Variants in KCNG2 observed in about 807,000 individuals in gnomAD.
KCNG2 encodes the protein voltage-gated potassium channel regulatory subunit KCNG2.
In KCNG2, 7 loss-of-function variants were observed where a neutral mutation model predicts 12.3. The ratio of observed to expected loss-of-function variants is 0.57; its 90% confidence interval spans 0.32 to 1.07. KCNG2 has a LOEUF of 1.07. KCNG2 is among the 50% of genes least tolerant of loss of function. KCNG2 has a pLI of 0.04. For synonymous variants in KCNG2, 414 were observed against 351.4 expected (o/e 1.18, Z -1.99); for missense variants, 703 against 726.0 (o/e 0.97, Z 0.36).
At chr18:79,849,665 G>A (rs1456472653) in intron 1 of KCNG2, among the ~76,000 whole-genome samples, 2 of 152,388 alleles carry the variant, frequency 1.3e-5, no homozygotes, top group African/African-American at 2.4e-5. Context: ...TCTCTGCTGC[G>A]TGAAGTCTGG....
chr18:79,817,384 G>A (rs749898503), intron 1 of KCNG2, among the ~76,000 whole-genome samples: 1 of 152,038 alleles, frequency 6.6e-6, no homozygotes, highest in South Asian at 2.1e-4. Context: ...ATGCCTGGCT[G>A]TCACACATGG....
At chr18:79,846,053 T>C (rs1184579179) in intron 1 of KCNG2, among the ~76,000 whole-genome samples, 1 of 136,204 alleles carries the variant, frequency 7.3e-6, no homozygotes, top group Non-Finnish European at 1.5e-5. Flanking sequence ...ATGGCGCCAC[T>C]GCACTCCAGC....
chr18:79,832,356 C>T (rs1376878375), intron 1 of KCNG2, among the ~76,000 whole-genome samples: 2 of 149,912 alleles, frequency 1.3e-5, no homozygotes, highest in Non-Finnish European at 3.0e-5. Flanking sequence ...CCCTTCCTCA[C>T]CTGTCCATCC....
intron 2 of KCNG2, among the ~76,000 whole-genome samples, chr18:79,858,640 C>A (rs879054808): frequency 6.6e-6 from 1 of 152,130 alleles, no homozygotes; most frequent in Non-Finnish European, 1.5e-5. Context: ...TGAGGAACTG[C>A]CAGACTGTTT....
intron 1 of KCNG2, among the ~76,000 whole-genome samples, chr18:79,825,154 C>T (rs906959828): frequency 6.6e-6 from 1 of 152,208 alleles, no homozygotes; most frequent in Non-Finnish European, 1.5e-5. Flanking sequence ...GCTGAAGTTT[C>T]TAACTCTCCT....
chr18:79,888,269 T>C (rs1980605307), intron 3 of KCNG2, among the ~76,000 whole-genome samples: 2 of 151,994 alleles, frequency 1.3e-5, no homozygotes, highest in African/African-American at 4.8e-5. Flanking sequence ...CCACGGGGCT[T>C]CCACCAGCTG....
chr18:79,877,556 C>G (rs1417483076), intron 3 of KCNG2, among the ~76,000 whole-genome samples: 2 of 152,136 alleles, frequency 1.3e-5, no homozygotes, highest in African/African-American at 2.4e-5. Flanking sequence ...CTTCCCTGAC[C>G]CCCTTGTTCT....
chr18:79,891,000 A>G (rs1435166410), intron 3 of KCNG2, among the ~76,000 whole-genome samples: 1 of 152,108 alleles, frequency 6.6e-6, no homozygotes, highest in Non-Finnish European at 1.5e-5. Flanking sequence ...GATCTTTTCC[A>G]AGAACCAGCC....
At chr18:79,820,320 C>T (rs2087561623) in intron 1 of KCNG2, among the ~76,000 whole-genome samples, 1 of 152,196 alleles carries the variant, frequency 6.6e-6, no homozygotes, top group African/African-American at 2.4e-5. Context: ...CAGGCATGTT[C>T]TTAGGAGGGA....
In KCNG2 at chr18:79,891,103, TTTTA is replaced by T. The variant is rs200917208; in HGVS notation, c.625-7932_625-7929del. Among the ~76,000 whole-genome samples, 720 of 152,338 alleles carry T rather than the reference TTTTA, an allele frequency of 4.7e-3. 25 individuals are homozygous for T. Among genetic ancestry groups the T allele is most frequent in the Admixed American group, 0.043 (652 of 15,298 alleles). On this transcript the variant is annotated intron_variant, in intron 3 of 3. Transcript: ENST00000316249. ...ATTTCCTTCCCCCACCTGCTTTAAG[TTTTA>T]TTTACTTTTGTTTTCCCAGTTGTCT...
At position 79,884,155 on chromosome 18, in the gene KCNG2, G is replaced by A. The variant is rs1002404665; in HGVS notation, c.625-14885G>A. On this transcript the variant is annotated intron_variant, in intron 3 of 3. Transcript: ENST00000316249. The surrounding 1 kb of genome is among the most constrained non-coding windows in gnomAD (Gnocchi z 5.5). ...CAGGCCGACCTCTCTCTGCCAGCAC[G>A]AAGCCAGAGCTCAGCTCCCCAGCAC... is the stretch of plus-strand genomic sequence containing the variant. Among the ~76,000 whole-genome samples the A allele has an allele frequency of 4.6e-5, 7 of 152,122 alleles. No homozygotes were observed. Among genetic ancestry groups the A allele is most frequent in the African/African-American group, 1.2e-4 (5 of 41,420 alleles).
At chr18:79,824,489 A>G (rs2087597143) in intron 1 of KCNG2, among the ~76,000 whole-genome samples, 3 of 152,168 alleles carry the variant, frequency 2.0e-5, no homozygotes, top group South Asian at 2.1e-4. Flanking sequence ...TACCTGCTCT[A>G]TGCTTCTGAT....
At chr18:79,804,439 C>CCTCCCCTCAGTATTGCACCT in intron 1 of KCNG2, among the ~76,000 whole-genome samples, 1 of 152,368 alleles carries the variant, frequency 6.6e-6, no homozygotes, top group Middle Eastern at 3.4e-3. Flanking sequence ...GCCAGTGCTG[C>CCTCCCCTCAGTATTGCACCT]GTCAGAGGCC....
intron 1 of KCNG2, among the ~76,000 whole-genome samples, chr18:79,844,904 T>G (rs895498747): frequency 1.1e-4 from 17 of 152,190 alleles, no homozygotes; most frequent in African/African-American, 3.9e-4. Context: ...TAAATTGAAT[T>G]TTATCAAAAG....
intron 1 of KCNG2, among the ~76,000 whole-genome samples, chr18:79,834,527 G>C (rs1220831088): frequency 1.3e-5 from 2 of 152,194 alleles, no homozygotes; most frequent in African/African-American, 4.8e-5. Context: ...GTTTGAGAGA[G>C]AAAGTGGGAC....
Position 79,866,432 on chromosome 18 carries a change from CTGAGAGGT to C in KCNG2, c.624+2142_624+2149del, listed in dbSNP as rs1341838366. Among the ~76,000 whole-genome samples, 199 of 97,404 alleles carry C rather than the reference CTGAGAGGT, an allele frequency of 2.0e-3. 3 individuals carry two copies. Among genetic ancestry groups the C allele is most frequent in the East Asian group, 2.9e-3 (8 of 2,744 alleles). 63.9% of individuals were successfully genotyped at this position (97,404 alleles called of 152,430 possible). ...GTCTGGGTGCTGAGAGGTCTGGGTG[CTGAGAGGT>C]CTGGGTGCTGAGAGTGTGGGTGCTG... On this transcript the variant is annotated intron_variant, in intron 3 of 3. Transcript: ENST00000316249.
chr18:79,852,892 G>T (rs1179891300), intron 1 of KCNG2, among the ~76,000 whole-genome samples: 1 of 152,274 alleles, frequency 6.6e-6, no homozygotes, highest in Non-Finnish European at 1.5e-5. Flanking sequence ...TCCGTGTGGG[G>T]ATGCAGCCTC....
chr18:79,818,196 T>C (rs977936633), intron 1 of KCNG2, among the ~76,000 whole-genome samples: 3 of 152,204 alleles, frequency 2.0e-5, no homozygotes, highest in Non-Finnish European at 4.4e-5. Context: ...CAATGCGATC[T>C]AATAAGGAAG....
intron 2 of KCNG2, among the ~76,000 whole-genome samples, chr18:79,857,843 CT>C (rs1979074054): frequency 6.6e-6 from 1 of 152,034 alleles, no homozygotes; most frequent in East Asian, 1.9e-4. Context: ...ATTAACAATG[CT>C]GTGCAACCAT....
Sources: allele counts gnomAD v4.1 joint callset (sites outside exome capture counted in the v4.1 genomes callset), GRCh38; gene constraint gnomAD v4.1.1; non-coding constraint Gnocchi (gnomAD v3.1); transcripts MANE v1.5; gene names NCBI Gene and HGNC (gene_info 2026-07-23, HGNC 2026-07-21).